The following SMPD3 variants were observed in gnomAD, a reference collection of about 807,000 sequenced individuals.
SMPD3 encodes the protein nSMase-2.
SMPD3 carries 21 observed loss-of-function variants against 55.7 expected under a neutral mutation model. That is an observed-to-expected ratio of 0.38 (90% confidence interval 0.27 to 0.54). The LOEUF (loss-of-function observed/expected upper bound fraction) is 0.54. Among genes scored for constraint, SMPD3 ranks in the 20% least tolerant of loss-of-function variants. The pLI is 0.80. For missense variants in SMPD3, 842 were observed against 899.6 expected (o/e 0.94, Z 0.82); for synonymous variants, 457 against 404.3 (o/e 1.13, Z -1.56).
intron 1 of SMPD3, among the ~76,000 whole-genome samples, chr16:68,426,948 C>G (rs189834425): frequency 6.6e-6 from 1 of 151,398 alleles, no homozygotes; most frequent in Non-Finnish European, 1.5e-5. Context: ...CCTAGGTCCA[C>G]TCAGCAGCCT....
intron 1 of SMPD3, among the ~76,000 whole-genome samples, chr16:68,427,209 G>A (rs796807351): frequency 6.6e-6 from 1 of 151,948 alleles, no homozygotes; most frequent in Non-Finnish European, 1.5e-5. Flanking sequence ...CACCACGTTG[G>A]CCAGGCTCGT....
At chr16:68,378,935 G>A (rs569918290) in intron 2 of SMPD3, among the ~76,000 whole-genome samples, 4 of 152,318 alleles carry the variant, frequency 2.6e-5, no homozygotes, top group Admixed American at 6.5e-5. Context: ...TAGAGACATC[G>A]TTGAGCTCTG....
At chr16:68,378,475 T>A (rs2089873442) in intron 2 of SMPD3, among the ~76,000 whole-genome samples, 1 of 152,184 alleles carries the variant, frequency 6.6e-6, no homozygotes. Context: ...CAGCGGCTCC[T>A]ACAGACACAG....
chr16:68,435,751 C>A (rs1013296636), intron 1 of SMPD3, among the ~76,000 whole-genome samples: 13 of 152,216 alleles, frequency 8.5e-5, no homozygotes, highest in Non-Finnish European at 1.3e-4. Flanking sequence ...CAAAGCTTTC[C>A]CAACAGTGGC....
chr16:68,440,144 G>A (rs938493436), intron 1 of SMPD3, among the ~76,000 whole-genome samples: 6 of 152,188 alleles, frequency 3.9e-5, no homozygotes, highest in Non-Finnish European at 8.8e-5. Context: ...GGGGAATGAC[G>A]CAGTAGAGTT....
chr16:68,439,586 G>A (rs1328835278), intron 1 of SMPD3, among the ~76,000 whole-genome samples: 7 of 152,198 alleles, frequency 4.6e-5, no homozygotes, highest in Non-Finnish European at 1.0e-4. Context: ...GGAAATCTGT[G>A]TTGCTCTCCT....
At chr16:68,414,192 C>T (rs1323193095) in intron 1 of SMPD3, among the ~76,000 whole-genome samples, 2 of 152,144 alleles carry the variant, frequency 1.3e-5, no homozygotes, top group South Asian at 2.1e-4. Context: ...ATGGCTATTT[C>T]GACATTTTAA....
chr16:68,415,157 A>T (rs2090329874), intron 1 of SMPD3, among the ~76,000 whole-genome samples: 1 of 152,200 alleles, frequency 6.6e-6, no homozygotes, highest in Admixed American at 6.5e-5. Context: ...AGGCAAGGGC[A>T]TCCTACAGGT....
chr16:68,395,533 C>T (rs748210907), intron 1 of SMPD3, among the ~76,000 whole-genome samples: 14 of 152,172 alleles, frequency 9.2e-5, no homozygotes, highest in African/African-American at 1.4e-4. Flanking sequence ...GTCCCATAGC[C>T]GTCATGTCCC....
At chr16:68,401,668 T>C (rs912036660) in intron 1 of SMPD3, among the ~76,000 whole-genome samples, 2 of 152,140 alleles carry the variant, frequency 1.3e-5, no homozygotes, top group African/African-American at 4.8e-5. Flanking sequence ...ATCTTCTTAT[T>C]GCAAGGGGAA....
chr16:68,370,692 G>C (rs1351469089), intron 3 of SMPD3, among the ~76,000 whole-genome samples, 167 bp downstream of exon 3: 1 of 152,086 alleles, frequency 6.6e-6, no homozygotes, highest in Non-Finnish European at 1.5e-5. Context: ...CCCTGTCCCC[G>C]AGCCAGGGCC....
At chr16:68,443,752 G>A (rs187211838) in intron 1 of SMPD3, among the ~76,000 whole-genome samples, 264 of 152,304 alleles carry the variant, frequency 1.7e-3, no homozygotes, top group South Asian at 2.3e-3. Context: ...TAGTGGGTCC[G>A]CAATCCTATT....
chr16:68,439,694 G>A (rs1285466745), intron 1 of SMPD3, among the ~76,000 whole-genome samples: 1 of 152,176 alleles, frequency 6.6e-6, no homozygotes, highest in Non-Finnish European at 1.5e-5. Context: ...CCTTCACTGA[G>A]CTTAATACAT....
Position 68,404,374 on chromosome 16 carries a change from A to G in SMPD3, c.-268-17715T>C, listed in dbSNP as rs987865334. Among the ~76,000 whole-genome samples, 1 of 151,966 alleles carries G rather than the reference A, an allele frequency of 6.6e-6. No homozygotes were observed. Among genetic ancestry groups the G allele is most frequent in the Admixed American group, 6.5e-5 (1 of 15,270 alleles). On this transcript the variant is annotated intron_variant, in intron 1 of 8. Coordinates refer to ENST00000219334, the MANE Select transcript of SMPD3 (RefSeq NM_018667.4). This position sits in a 1 kb window ranked among gnomAD's most constrained non-coding sequence, Gnocchi z 4.0. ...CTCAGCCTCCCAAATTGCTGAGATT[A>G]CAGGCGTGAGCCACCATGACAGGGT...
chr16:68,364,386 C>G (rs1049316155), intron 5 of SMPD3: 1 of 253,604 alleles, frequency 3.9e-6, no homozygotes. Flanking sequence ...GCTTCCCTCT[C>G]AGGGTTGTTA....
chr16:68,428,150 A>G (rs1197165382), intron 1 of SMPD3, among the ~76,000 whole-genome samples: 1 of 152,214 alleles, frequency 6.6e-6, no homozygotes, highest in Non-Finnish European at 1.5e-5. Context: ...AGTAAACATC[A>G]TGGAGACAAA....
rs2089135580 is a variant in SMPD3 at position 68,359,816 on chromosome 16, T to C, written c.*1390A>G. The C allele has an allele frequency of 6.6e-6, 1 of 152,512 alleles. No individual in the cohort carries two copies. The highest frequency in any genetic ancestry group is 1.5e-5 in the Non-Finnish European group (1 of 68,154). The allele number at this position is 152,512 out of a possible 1,614,324, so 9.4% of individuals were successfully genotyped here. On this transcript the variant is annotated 3_prime_UTR_variant, in exon 9 of 9. Transcript: ENST00000219334. The stretch of plus-strand genomic sequence containing the variant: ...GCATGACAGGAGCAGCCCTGGAGTC[T>C]CTTAAAGGCAGGTGGGCAGAGGCAG...
Position 68,382,044 on chromosome 16 carries a change from C to T in SMPD3, c.-207+4554G>A, listed in dbSNP as rs184410743. 4 of 152,340 alleles carry T rather than the reference C, an allele frequency of 2.6e-5. No homozygotes were observed. The East Asian group carries it at 7.7e-4, about 29-fold the overall frequency. 9.4% of individuals were successfully genotyped at this position (152,340 alleles called of 1,614,324 possible). On this transcript the variant is annotated intron_variant, in intron 2 of 8. Transcript: ENST00000219334. ...TGTGGCCTAAAAAAGTCCATTCCTA[C>T]CTGTCCAAGTTCTTCTAGCACCATG...
chr16:68,413,042 G>T (rs777612940), intron 1 of SMPD3, among the ~76,000 whole-genome samples: 1 of 152,214 alleles, frequency 6.6e-6, no homozygotes, highest in East Asian at 1.9e-4. Flanking sequence ...AGCTCATGCC[G>T]CTAATGCTTT....
Sources: gnomAD v4.1 joint callset for allele counts (sites outside exome capture counted in the v4.1 genomes callset) on GRCh38, gnomAD v4.1.1 for gene constraint, Gnocchi (gnomAD v3.1) non-coding constraint, MANE v1.5 for transcripts, NCBI Gene and HGNC (gene_info 2026-07-23, HGNC 2026-07-21) for gene names.